Variants in EML6 observed in about 807,000 individuals in gnomAD.
EML6 encodes echinoderm microtubule-associated protein-like 6.
In EML6, 154 loss-of-function variants were observed where a neutral mutation model predicts 240.1. That is an observed-to-expected ratio of 0.64 (90% CI 0.56 to 0.73). The LOEUF is 0.73. Among genes scored for constraint, EML6 ranks in the 30% least tolerant of loss-of-function variants. EML6 has a pLI of 0.00. For synonymous variants in EML6, 1,148 were observed against 899.0 expected, an observed-to-expected ratio of 1.28 and a Z score of -4.95; for missense variants, 2,964 against 2,474.6, an observed-to-expected ratio of 1.20 and a Z score of -4.20.
At position 54,916,776 on chromosome 2, in the gene EML6, G is replaced by C. The variant is rs1344574035; in HGVS notation, c.3516G>C (p.Trp1172Cys). 1 of 1,520,868 alleles carries C rather than the reference G, an allele frequency of 6.6e-7. No homozygotes were observed. Among genetic ancestry groups the C allele is most frequent in the Non-Finnish European group, 8.9e-7 (1 of 1,124,308 alleles). 94.2% of individuals were successfully genotyped at this position (1,520,868 alleles called of 1,614,324 possible). Residue 1172 changes from tryptophan (W) to cysteine (C), a missense_variant, in exon 26 of 42, where the codon TGG (tryptophan) becomes TGC (cysteine). By Grantham distance (215) the Trp-to-Cys change is radical (BLOSUM62 -2). Coordinates refer to ENST00000356458, the MANE Select transcript of EML6 (RefSeq NM_001039753.4). ...IRPSEIEKIE[W>C]DTWTCVLGPT... ...TTTTTCAGATCGAGAAGATAGAGTG[G>C]GACACATGGACCTGTGTCCTGGGGC... is the stretch of plus-strand genomic sequence containing the variant.
chr2:54,805,973 C>G (rs958232962), intron 2 of EML6, among the ~76,000 whole-genome samples: 1 of 152,146 alleles, frequency 6.6e-6, no homozygotes, highest in African/African-American at 2.4e-5. Flanking sequence ...ATGTGGGTCT[C>G]TCTATGGATT....
chr2:54,810,808 A>T (rs1383203658), intron 2 of EML6, among the ~76,000 whole-genome samples: 1 of 152,130 alleles, frequency 6.6e-6, no homozygotes, highest in Non-Finnish European at 1.5e-5. Context: ...CGGAGCATAC[A>T]ATCTAGTCAA....
chr2:54,746,617 G>C (rs77469210), intron 2 of EML6, among the ~76,000 whole-genome samples: 5,108 of 152,210 alleles, frequency 0.034, 251 homozygotes, highest in African/African-American at 0.11. Flanking sequence ...AAATTTTACA[G>C]AATTCAGGAC....
At chr2:54,769,469 A>G (rs1409199377) in intron 2 of EML6, among the ~76,000 whole-genome samples, 1 of 152,220 alleles carries the variant, frequency 6.6e-6, no homozygotes, top group Non-Finnish European at 1.5e-5. Flanking sequence ...TCACTGTAAG[A>G]CATTGAAAAC....
chr2:54,836,428 G>C (rs1356641651), intron 7 of EML6, among the ~76,000 whole-genome samples: 1 of 152,166 alleles, frequency 6.6e-6, no homozygotes, highest in African/African-American at 2.4e-5. Context: ...CAGAGATTTT[G>C]TAAAAAGAAA....
At chr2:54,847,380 C>G in intron 8 of EML6, 106 bp from the exon 9 acceptor site, 1 of 1,235,422 alleles carries the variant, frequency 8.1e-7, no homozygotes, top group South Asian at 1.5e-5. Context: ...GTTCCTATGT[C>G]TTTTCTTGTT....
At position 54,883,591 on chromosome 2, in the gene EML6, C is replaced by T. The variant is rs114997989; in HGVS notation, c.2438+3951C>T. 5.2e-3 allele frequency among the ~76,000 whole-genome samples: 785 copies of T among 152,208 alleles called. 6 individuals carry two copies. The highest frequency in any genetic ancestry group is 0.018 in the African/African-American group (731 of 41,498). ...GCTGGTGGGTTTATATGGCCCTATG[C>T]GGTGAATTCCTTGTGATGGGGCGTG... On this transcript the variant is annotated intron_variant, in intron 17 of 41. Transcript: ENST00000356458.
intron 2 of EML6, among the ~76,000 whole-genome samples, chr2:54,787,102 T>A (rs911378431): frequency 5.9e-5 from 9 of 152,128 alleles, no homozygotes; most frequent in Non-Finnish European, 1.2e-4. Flanking sequence ...AGGCACTGCC[T>A]AAGTAGGTTC....
chr2:54,824,131 C>A (rs1218834757), intron 5 of EML6, among the ~76,000 whole-genome samples: 1 of 152,140 alleles, frequency 6.6e-6, no homozygotes, highest in Non-Finnish European at 1.5e-5. Flanking sequence ...AGATTTGCTG[C>A]TTAATTGATA....
chr2:54,961,116 A>G (rs1676473417), intron 35 of EML6, among the ~76,000 whole-genome samples: 1 of 149,688 alleles, frequency 6.7e-6, no homozygotes, highest in Non-Finnish European at 1.5e-5. Context: ...AGTGATGCCC[A>G]CCTGGAAGGG....
chr2:54,870,036 TG>T (rs1318624567), intron 15 of EML6, among the ~76,000 whole-genome samples: 2 of 152,264 alleles, frequency 1.3e-5, no homozygotes, highest in Non-Finnish European at 2.9e-5. Context: ...TTTCCTCAAA[TG>T]TATAGATTAT....
chr2:54,951,427 G>C (rs1376686857), intron 30 of EML6, among the ~76,000 whole-genome samples: 1 of 152,050 alleles, frequency 6.6e-6, no homozygotes, highest in African/African-American at 2.4e-5. Flanking sequence ...CAGCTACTCA[G>C]GAAGCTGAGG....
chr2:54,782,856 T>G (rs929100552), intron 2 of EML6, among the ~76,000 whole-genome samples: 5 of 152,182 alleles, frequency 3.3e-5, no homozygotes, highest in Admixed American at 6.5e-5. Flanking sequence ...TTGCCTACCG[T>G]GTAACCTATG....
chr2:54,908,199 A>T (rs1673449712), intron 24 of EML6, among the ~76,000 whole-genome samples: 1 of 151,596 alleles, frequency 6.6e-6, no homozygotes, highest in Non-Finnish European at 1.5e-5. Flanking sequence ...AACCCACTCA[A>T]ACCAGCTTAA....
chr2:54,954,537 C>G (rs546292388), intron 32 of EML6, among the ~76,000 whole-genome samples: 8 of 152,358 alleles, frequency 5.3e-5, no homozygotes, highest in Non-Finnish European at 1.0e-4. Flanking sequence ...TACTACAGCC[C>G]TATCACTTTG....
intron 7 of EML6, among the ~76,000 whole-genome samples, chr2:54,833,901 C>T (rs998587484): frequency 1.3e-5 from 2 of 152,188 alleles, no homozygotes; most frequent in African/African-American, 2.4e-5. Flanking sequence ...GGCAGCAAAA[C>T]TTGACCTGAT....
At chr2:54,942,318 A>C (rs937421330) in intron 28 of EML6, among the ~76,000 whole-genome samples, 1 of 152,220 alleles carries the variant, frequency 6.6e-6, no homozygotes, top group African/African-American at 2.4e-5. Flanking sequence ...TATGGAGATA[A>C]AAGAACACTT....
At chr2:54,819,858 C>T (rs1056912538) in intron 4 of EML6, among the ~76,000 whole-genome samples, 21 of 151,224 alleles carry the variant, frequency 1.4e-4, no homozygotes, top group African/African-American at 4.6e-4. Flanking sequence ...TATGTTGGGT[C>T]AGATTAAAAT....
In EML6 at chr2:54,928,376, C is replaced by G. The variant is rs1428076955; in HGVS notation, c.3739C>G (p.Leu1247Val). The G allele has an allele frequency of 2.0e-5, 31 of 1,551,914 alleles. No homozygotes were observed. Among genetic ancestry groups the G allele is most frequent in the East Asian group, 2.4e-5 (1 of 40,926 alleles). Residue 1247 changes from leucine (L) to valine (V), a missense_variant, in exon 27 of 42, where the codon CTG becomes GTG. Physicochemically the swap from Leu to Val is conservative, Grantham distance 32 (BLOSUM62 1). Coordinates refer to ENST00000356458, the MANE Select transcript of EML6 (RefSeq NM_001039753.4). ...TGCACATGTCACTAACGTGAGGTGG[C>G]TGCACAATGACTCTGTGCTGCTCAC... ...HSAHVTNVRW[L>V]HNDSVLLTVG...
Sources: allele counts gnomAD v4.1 joint callset (sites outside exome capture counted in the v4.1 genomes callset), GRCh38; gene constraint gnomAD v4.1.1; transcripts MANE v1.5; gene names NCBI Gene and HGNC (gene_info 2026-07-23, HGNC 2026-07-21).